MMP26: variants seen among roughly 807,000 people sequenced by gnomAD.
MMP26 encodes the protein matrix metallopeptidase 26, also known as matrix metalloproteinase-26.
In MMP26, 33 loss-of-function variants were observed where a neutral mutation model predicts 31.0. The observed-to-expected ratio is 1.06, with a 90% CI of 0.81 to 1.42. The LOEUF (loss-of-function observed/expected upper bound fraction) is 1.42. Among genes scored for constraint, MMP26 ranks in the 40% most tolerant of loss-of-function variants. The probability of loss-of-function intolerance (pLI) is 0.00; values close to 1 mark genes in which losing one functional copy is unlikely to be tolerated. For synonymous variants in MMP26, 122 were observed against 114.9 expected (o/e 1.06, Z -0.40); for missense variants, 347 against 316.1 (o/e 1.10, Z -0.74).
intron 2 of MMP26, among the ~76,000 whole-genome samples, chr11:4,873,366 G>A (rs1430601571): frequency 6.6e-6 from 1 of 151,812 alleles, no homozygotes; most frequent in Non-Finnish European, 1.5e-5. Context: ...TTCATCTTTG[G>A]TTTATCTGAG....
chr11:4,777,824 C>T (rs1301393597), intron 2 of MMP26, among the ~76,000 whole-genome samples: 1 of 151,988 alleles, frequency 6.6e-6, no homozygotes, highest in East Asian at 1.9e-4. Context: ...TATACCTCAC[C>T]TTAATTAACT....
At chr11:4,859,150 A>G (rs551760455) in intron 2 of MMP26, among the ~76,000 whole-genome samples, 1 of 152,242 alleles carries the variant, frequency 6.6e-6, no homozygotes, top group African/African-American at 2.4e-5. Flanking sequence ...TCCATTCAGG[A>G]CATAGGCGTG....
At chr11:4,723,102 G>A (rs1048746271) in intron 1 of MMP26, 11 of 1,514,660 alleles carry the variant, frequency 7.3e-6, no homozygotes, top group East Asian at 2.3e-5. Flanking sequence ...TGCTTGGCCC[G>A]CTGCAGGGCG....
At chr11:4,775,379 A>G (rs529413381) in intron 2 of MMP26, among the ~76,000 whole-genome samples, 1 of 152,148 alleles carries the variant, frequency 6.6e-6, no homozygotes, top group Admixed American at 6.6e-5. Flanking sequence ...ATTTTATTCT[A>G]TTTGTAGCAA....
chr11:4,753,741 C>T (rs927338042), intron 1 of MMP26, among the ~76,000 whole-genome samples: 2 of 152,026 alleles, frequency 1.3e-5, no homozygotes, highest in Non-Finnish European at 2.9e-5. Flanking sequence ...GTACATTTAC[C>T]TAAGAATTCA....
At chr11:4,966,385 C>G (rs530606430) in intron 2 of MMP26, among the ~76,000 whole-genome samples, 1 of 152,246 alleles carries the variant, frequency 6.6e-6, no homozygotes, top group East Asian at 1.9e-4. Flanking sequence ...CTCCACTATC[C>G]ACCAGGGTGA....
intron 2 of MMP26, among the ~76,000 whole-genome samples, chr11:4,916,899 C>T (rs1851102308): frequency 6.6e-6 from 1 of 152,140 alleles, no homozygotes; most frequent in Non-Finnish European, 1.5e-5. Flanking sequence ...CCAGGAGAGC[C>T]CACTGAACAC....
rs568300253 is a variant in MMP26, at chr11:4,814,911, C to T, written c.-145+47570C>T. Among the ~76,000 whole-genome samples the T allele has an allele frequency of 5.3e-5, 8 of 152,280 alleles. No individual in the cohort carries two copies. In the South Asian group the frequency reaches 6.2e-4, roughly 12 times the overall value. ...ATTTTGCCAAGGTTAAGAACGCACC[C>T]GTGGCACAGCTTCAGGAGGTCCTGA... On this transcript the variant is annotated intron_variant, in intron 2 of 7. Transcript: ENST00000380390.
chr11:4,901,220 G>A (rs1006683612), intron 2 of MMP26, among the ~76,000 whole-genome samples: 6 of 141,340 alleles, frequency 4.2e-5, no homozygotes, highest in African/African-American at 1.1e-4. Flanking sequence ...GTGCAGTGGC[G>A]TGATCTCCGC....
At chr11:4,870,605 T>C (rs1850297781) in intron 2 of MMP26, among the ~76,000 whole-genome samples, 1 of 152,104 alleles carries the variant, frequency 6.6e-6, no homozygotes, top group Admixed American at 6.6e-5. Flanking sequence ...CACTGAATAG[T>C]ACCGTGGTGA....
chr11:4,773,817 G>T (rs1848757571), intron 2 of MMP26, among the ~76,000 whole-genome samples: 1 of 152,002 alleles, frequency 6.6e-6, no homozygotes, highest in East Asian at 1.9e-4. Flanking sequence ...GGGCCCCAGT[G>T]TGTGTTGTTC....
chr11:4,708,837 T>C (rs1281047788), intron 1 of MMP26, among the ~76,000 whole-genome samples: 1 of 152,234 alleles, frequency 6.6e-6, no homozygotes, highest in Non-Finnish European at 1.5e-5. Context: ...AATGAATTCC[T>C]TTGTTCTTGT....
rs376324780 is a variant in MMP26 at position 4,876,178 on chromosome 11, A to G, written c.-145+108837A>G. ...GACTGTGGTTATATTCTTCATGGTT[A>G]TTGGTGTTCGTGTTTATTATACATG... On this transcript the variant is annotated intron_variant, in intron 2 of 7. Coordinates refer to ENST00000380390, the MANE Select transcript of MMP26 (RefSeq NM_021801.5). The G allele has an allele frequency of 2.3e-4, 35 of 152,290 alleles. No individual in the cohort carries two copies. In the South Asian group the frequency reaches 5.8e-3, roughly 25 times the overall value. 9.4% of individuals were successfully genotyped at this position (152,290 alleles called of 1,614,324 possible).
At chr11:4,740,151 A>G (rs1170980115) in intron 1 of MMP26, among the ~76,000 whole-genome samples, 1 of 151,476 alleles carries the variant, frequency 6.6e-6, no homozygotes, top group African/African-American at 2.4e-5. Flanking sequence ...ACATCATTCC[A>G]AAATTAATAT....
chr11:4,827,361 G>C (rs1849590680), intron 2 of MMP26, among the ~76,000 whole-genome samples: 1 of 152,008 alleles, frequency 6.6e-6, no homozygotes. Flanking sequence ...ATTTAATCCT[G>C]TAAAGTCAAT....
chr11:4,938,772 A>G (rs907760871), intron 2 of MMP26, among the ~76,000 whole-genome samples: 6 of 152,186 alleles, frequency 3.9e-5, no homozygotes, highest in Admixed American at 2.6e-4. Context: ...TCATACCAGC[A>G]TATATGTATA....
chr11:4,771,332 G>T (rs1362373536), intron 2 of MMP26, among the ~76,000 whole-genome samples: 1 of 152,156 alleles, frequency 6.6e-6, no homozygotes, highest in Non-Finnish European at 1.5e-5. Context: ...ACTAGTAAGT[G>T]TCAAATATGT....
At chr11:4,945,405 A>G (rs1039329479) in intron 2 of MMP26, 2 of 152,210 alleles carry the variant, frequency 1.3e-5, no homozygotes, top group African/African-American at 2.4e-5. Context: ...ACGTTGAGTA[A>G]GTAGAAAGGG....
Position 4,982,981 on chromosome 11 carries a change from G to A in MMP26, c.-144-5087G>A, listed in dbSNP as rs113057132. ...TTAGCCACTAGCAAAGCTTGTATAGGTTTTTATTCTGAGGCTTATTACTGT... is the reference window on the plus strand; with the variant it reads ...TTAGCCACTAGCAAAGCTTGTATAGATTTTTATTCTGAGGCTTATTACTGT... On this transcript the variant is annotated intron_variant, in intron 2 of 7. Coordinates refer to ENST00000380390, the MANE Select transcript of MMP26 (RefSeq NM_021801.5). Among the ~76,000 whole-genome samples the A allele has an allele frequency of 8.6e-3, 1,306 of 152,228 alleles. 21 individuals carry two copies. Among genetic ancestry groups the A allele is most frequent in the African/African-American group, 0.03 (1,245 of 41,550 alleles).
Sources: allele counts gnomAD v4.1 joint callset (sites outside exome capture counted in the v4.1 genomes callset), GRCh38; gene constraint gnomAD v4.1.1; transcripts MANE v1.5; gene names NCBI Gene and HGNC (gene_info 2026-07-23, HGNC 2026-07-21).